Variants in CACNG3 observed in about 807,000 individuals in gnomAD.
The protein encoded by CACNG3 is calcium voltage-gated channel auxiliary subunit gamma 3.
CACNG3 carries 3 observed loss-of-function variants against 28.5 expected under a neutral mutation model. That is an observed-to-expected ratio of 0.11 (90% CI 0.05 to 0.27). The LOEUF (loss-of-function observed/expected upper bound fraction) is 0.27. Among genes scored for constraint, CACNG3 ranks in the 10% least tolerant of loss-of-function variants. The pLI is 1.00. For missense variants in CACNG3, 236 were observed against 414.4 expected (o/e 0.57, Z 3.74); for synonymous variants, 174 against 162.2 (o/e 1.07, Z -0.55).
At chr16:24,326,841 A>G (rs1483529269) in intron 1 of CACNG3, among the ~76,000 whole-genome samples, 1 of 152,200 alleles carries the variant, frequency 6.6e-6, no homozygotes, top group Non-Finnish European at 1.5e-5. Flanking sequence ...TGTTCCCTCC[A>G]GATGCCTGGT....
intron 1 of CACNG3, among the ~76,000 whole-genome samples, chr16:24,277,141 C>T (rs1373640600): frequency 1.3e-5 from 2 of 152,152 alleles, no homozygotes; most frequent in East Asian, 1.9e-4. Context: ...ATCCATTCCT[C>T]CTTTTTCTGG....
chr16:24,281,969 G>T (rs1898834934), intron 1 of CACNG3, among the ~76,000 whole-genome samples: 2 of 152,164 alleles, frequency 1.3e-5, no homozygotes, highest in African/African-American at 4.8e-5. Context: ...GTAAAAGATG[G>T]AGCCACTATG....
chr16:24,305,171 G>A (rs147667660), intron 1 of CACNG3, among the ~76,000 whole-genome samples: 109 of 152,170 alleles, frequency 7.2e-4, no homozygotes, highest in African/African-American at 2.3e-3. Flanking sequence ...CCATTCTGGT[G>A]GGGGATGTTG....
intron 1 of CACNG3, among the ~76,000 whole-genome samples, chr16:24,264,088 T>C (rs953676952): frequency 3.9e-5 from 6 of 152,218 alleles, no homozygotes; most frequent in East Asian, 3.8e-4. Flanking sequence ...TGTGTGTGGA[T>C]TGGATCTGGG....
At chr16:24,356,802 G>A (rs569241227) in intron 3 of CACNG3, among the ~76,000 whole-genome samples, 5 of 152,286 alleles carry the variant, frequency 3.3e-5, no homozygotes, top group South Asian at 2.1e-4. Context: ...AGACATACCC[G>A]AGACTCAGTA....
chr16:24,332,164 C>A (rs1465427103), intron 1 of CACNG3, among the ~76,000 whole-genome samples: 1 of 152,106 alleles, frequency 6.6e-6, no homozygotes, highest in African/African-American at 2.4e-5. Flanking sequence ...ATCTATTGAA[C>A]AAAAGAATGA....
At chr16:24,294,283 T>A (rs1596631184) in intron 1 of CACNG3, among the ~76,000 whole-genome samples, 2 of 152,020 alleles carry the variant, frequency 1.3e-5, no homozygotes, top group Non-Finnish European at 2.9e-5. Context: ...GAGTGAGAAA[T>A]CCCCGAATCA....
At chr16:24,349,537 G>A (rs1033033198) in intron 2 of CACNG3, among the ~76,000 whole-genome samples, 1 of 152,192 alleles carries the variant, frequency 6.6e-6, no homozygotes, top group Non-Finnish European at 1.5e-5. Context: ...CAGGAACTGA[G>A]GGTTCCTCCC....
chr16:24,265,455 G>GA (rs1055358899), intron 1 of CACNG3, among the ~76,000 whole-genome samples: 1,740 of 137,150 alleles, frequency 0.013, 28 homozygotes, highest in African/African-American at 0.027. Flanking sequence ...GAAAAAGAAA[G>GA]AAGAAGGAAG....
intron 1 of CACNG3, among the ~76,000 whole-genome samples, chr16:24,331,281 C>T (rs1266912423): frequency 6.6e-6 from 1 of 152,144 alleles, no homozygotes; most frequent in Non-Finnish European, 1.5e-5. Flanking sequence ...TTCAATGGGC[C>T]GATCAAGCAA....
At chr16:24,277,532 T>C (rs549374939) in intron 1 of CACNG3, among the ~76,000 whole-genome samples, 2 of 152,250 alleles carry the variant, frequency 1.3e-5, no homozygotes, top group South Asian at 2.1e-4. Context: ...CCCAGCACTT[T>C]GGGAGGCCGA....
At chr16:24,273,542 G>GT (rs1898716111) in intron 1 of CACNG3, among the ~76,000 whole-genome samples, 1 of 152,106 alleles carries the variant, frequency 6.6e-6, no homozygotes, top group Non-Finnish European at 1.5e-5. Flanking sequence ...ATCCTATTCT[G>GT]TAACTAGACC....
chr16:24,274,609 C>A (rs1319635377), intron 1 of CACNG3, among the ~76,000 whole-genome samples: 1 of 152,128 alleles, frequency 6.6e-6, no homozygotes, highest in Non-Finnish European at 1.5e-5. Context: ...GGAGCCCCTA[C>A]CATGGAACAA....
At chr16:24,265,410 A>T (rs1330190513) in intron 1 of CACNG3, among the ~76,000 whole-genome samples, 1 of 141,756 alleles carries the variant, frequency 7.1e-6, no homozygotes, top group African/African-American at 2.7e-5. Context: ...AAGAAAAAGA[A>T]AGAAGAAAGA....
At position 24,280,435 on chromosome 16, in the gene CACNG3, C is replaced by T. The variant is rs570592288; in HGVS notation, c.211+23470C>T. Among the ~76,000 whole-genome samples the T allele has an allele frequency of 5.3e-5, 8 of 152,250 alleles. No homozygotes were observed. The South Asian group carries it at 6.2e-4, about 12-fold the overall frequency. On this transcript the variant is annotated intron_variant, in intron 1 of 3. Coordinates refer to ENST00000005284, the MANE Select transcript of CACNG3 (RefSeq NM_006539.4). ...TTTCGTCCTTAAAACGCCCATCATTCGGATGAAGGATCGTCATTTCTAATT... is the reference window on the plus strand; with the variant it reads ...TTTCGTCCTTAAAACGCCCATCATTTGGATGAAGGATCGTCATTTCTAATT...
intron 1 of CACNG3, among the ~76,000 whole-genome samples, chr16:24,315,056 C>T (rs147756925): frequency 6.6e-6 from 1 of 152,250 alleles, no homozygotes; most frequent in East Asian, 1.9e-4. Context: ...GGACTTGGTT[C>T]TAGCAGGGAA....
At chr16:24,264,543 G>C (rs1042695272) in intron 1 of CACNG3, among the ~76,000 whole-genome samples, 1 of 152,200 alleles carries the variant, frequency 6.6e-6, no homozygotes, top group African/African-American at 2.4e-5. Flanking sequence ...CTGCTACACA[G>C]AGCGCCTGGC....
intron 1 of CACNG3, among the ~76,000 whole-genome samples, chr16:24,270,573 C>A (rs1031002440): frequency 1.3e-5 from 2 of 152,154 alleles, no homozygotes; most frequent in African/African-American, 4.8e-5. Flanking sequence ...GGCTTAGCTC[C>A]TGAGCAGTTG....
chr16:24,340,870 C>G (rs922262673), intron 1 of CACNG3, among the ~76,000 whole-genome samples: 3 of 152,218 alleles, frequency 2.0e-5, no homozygotes, highest in African/African-American at 7.2e-5. Flanking sequence ...CCTCCCTCAC[C>G]TGTAACCACC....
Sources: allele counts gnomAD v4.1 joint callset (sites outside exome capture counted in the v4.1 genomes callset), GRCh38; gene constraint gnomAD v4.1.1; transcripts MANE v1.5; gene names NCBI Gene and HGNC (gene_info 2026-07-23, HGNC 2026-07-21).